Variants in KIAA1328 observed in about 807,000 individuals in gnomAD.
KIAA1328 encodes protein hinderin.
A neutral mutation model predicts 68.1 loss-of-function variants in KIAA1328; 52 were observed. The observed-to-expected ratio is 0.76, with a 90% CI of 0.61 to 0.96. The LOEUF (loss-of-function observed/expected upper bound fraction) is 0.96. KIAA1328 is among the 40% of genes least tolerant of loss of function. The pLI is 0.00. For synonymous variants in KIAA1328, 232 were observed against 239.4 expected, an observed-to-expected ratio of 0.97 and a Z score of 0.28; for missense variants, 641 against 677.6, an observed-to-expected ratio of 0.95 and a Z score of 0.60.
At chr18:37,042,223 A>G (rs1375613052) in intron 6 of KIAA1328, among the ~76,000 whole-genome samples, 1 of 152,148 alleles carries the variant, frequency 6.6e-6, no homozygotes, top group Non-Finnish European at 1.5e-5. Flanking sequence ...AATCCCAACA[A>G]TACTGTTTTA....
rs2056855672 is a variant in KIAA1328 at position 37,079,117 on chromosome 18, T to C, written c.1232+11572T>C. ...AATGATAGACTGGATTAAGAAAATG[T>C]GGCACATATACACCATGGAATACTA... On this transcript the variant is annotated intron_variant, in intron 7 of 9. Transcript: ENST00000280020. 3.5e-5 allele frequency among the ~76,000 whole-genome samples: 5 copies of C among 144,428 alleles called. No individual in the cohort carries two copies. The South Asian group carries it at 8.5e-4, about 25-fold the overall frequency. The allele number at this position is 144,428 out of a possible 152,430, so 94.8% of individuals were successfully genotyped here. A position where few individuals can be genotyped will look rare whatever the true frequency, so the allele number is the denominator to read the frequency against.
intron 5 of KIAA1328, among the ~76,000 whole-genome samples, chr18:36,955,495 A>G (rs928371236): frequency 1.1e-4 from 17 of 151,702 alleles, no homozygotes; most frequent in African/African-American, 3.9e-4. Context: ...TTTTTAGTAG[A>G]GATGGGGTTT....
Position 37,180,068 on chromosome 18 carries a change from A to ACT in KIAA1328, c.1523+6988_1523+6989insTC, listed in dbSNP as rs1216126838. On this transcript the variant is annotated intron_variant, in intron 9 of 9. Transcript: ENST00000280020. Reference sequence around the variant, plus strand: ...CATGGGATTCAAAAGCCACACACACACACACACACACACACACACACACAC... The same window carrying ACT: ...CATGGGATTCAAAAGCCACACACACACTCACACACACACACACACACACACAC... Among the ~76,000 whole-genome samples, 4 of 123,986 alleles carry ACT rather than the reference A, an allele frequency of 3.2e-5. 1 individual carries two copies. Among genetic ancestry groups the ACT allele is most frequent in the African/African-American group, 2.3e-4 (4 of 17,256 alleles). The allele number at this position is 123,986 out of a possible 152,430, so 81.3% of individuals were successfully genotyped here. A position where few individuals can be genotyped will look rare whatever the true frequency, so the allele number is the denominator to read the frequency against.
chr18:36,955,192 C>T (rs928423548), intron 5 of KIAA1328, among the ~76,000 whole-genome samples: 1 of 150,828 alleles, frequency 6.6e-6, no homozygotes, highest in African/African-American at 2.4e-5. Context: ...AGTGCAATGG[C>T]ATGATCTCAG....
At chr18:37,164,027 A>T (rs565066557) in intron 8 of KIAA1328, among the ~76,000 whole-genome samples, 3 of 152,370 alleles carry the variant, frequency 2.0e-5, no homozygotes, top group Admixed American at 2.0e-4. Context: ...TAATGTTAAT[A>T]TATATGAAAT....
intron 6 of KIAA1328, among the ~76,000 whole-genome samples, chr18:36,975,512 C>T (rs2052435881): frequency 6.6e-6 from 1 of 152,134 alleles, no homozygotes; most frequent in Non-Finnish European, 1.5e-5. Context: ...ACCCTTTTCC[C>T]TTTTTTGGAT....
chr18:36,910,882 T>G (rs2049417870), intron 5 of KIAA1328, among the ~76,000 whole-genome samples: 1 of 152,120 alleles, frequency 6.6e-6, no homozygotes, highest in Non-Finnish European at 1.5e-5. Flanking sequence ...CTTGCTTTTC[T>G]GTCATCGTCA....
intron 5 of KIAA1328, among the ~76,000 whole-genome samples, chr18:36,944,761 T>G (rs1401751678): frequency 6.6e-6 from 1 of 152,150 alleles, no homozygotes; most frequent in Admixed American, 6.5e-5. Context: ...AGAGGAGATC[T>G]GTTGAAGAAG....
intron 5 of KIAA1328, among the ~76,000 whole-genome samples, chr18:36,919,918 AT>A (rs1284885137): frequency 6.6e-6 from 1 of 151,972 alleles, no homozygotes; most frequent in African/African-American, 2.4e-5. Flanking sequence ...AAATGGGGTT[AT>A]TTGGCTTTTG....
intron 7 of KIAA1328, among the ~76,000 whole-genome samples, chr18:37,103,336 C>T (rs1471043031): frequency 2.0e-5 from 3 of 152,070 alleles, no homozygotes; most frequent in African/African-American, 7.2e-5. Flanking sequence ...GAATGGAGAA[C>T]CCAGAAATAA....
chr18:36,985,325 C>T (rs1327035411), intron 6 of KIAA1328, among the ~76,000 whole-genome samples: 1 of 152,112 alleles, frequency 6.6e-6, no homozygotes, highest in East Asian at 1.9e-4. Flanking sequence ...AGTGCAATTC[C>T]AGTCGCATTC....
chr18:36,830,586 G>T (rs563388974), intron 1 of KIAA1328, among the ~76,000 whole-genome samples: 2 of 152,168 alleles, frequency 1.3e-5, no homozygotes, highest in Middle Eastern at 3.4e-3. Context: ...GGTTTGGGGG[G>T]GGGACAAGCT....
At chr18:37,201,517 T>A (rs2060114255) in intron 9 of KIAA1328, among the ~76,000 whole-genome samples, 1 of 152,178 alleles carries the variant, frequency 6.6e-6, no homozygotes, top group African/African-American at 2.4e-5. Flanking sequence ...AGAGAAGTCA[T>A]AGTAAGGCCA....
intron 4 of KIAA1328, among the ~76,000 whole-genome samples, chr18:36,854,543 C>T (rs1462121268): frequency 6.6e-6 from 1 of 152,030 alleles, no homozygotes; most frequent in African/African-American, 2.4e-5. Context: ...TCATTTTAGC[C>T]TGAAGGACCC....
chr18:36,889,479 A>G (rs2048608551), intron 5 of KIAA1328, among the ~76,000 whole-genome samples: 1 of 152,208 alleles, frequency 6.6e-6, no homozygotes, highest in Non-Finnish European at 1.5e-5. Context: ...CTAAAGTCTA[A>G]TGTTTGCTGA....
chr18:37,187,163 C>CA (rs796685868), intron 9 of KIAA1328, among the ~76,000 whole-genome samples: 123 of 139,674 alleles, frequency 8.8e-4, no homozygotes, highest in Middle Eastern at 7.4e-3. Context: ...GACTCCATCT[C>CA]AAAAAAAAAA....
At position 36,885,561 on chromosome 18, in the gene KIAA1328, A is replaced by C; in HGVS notation, c.337A>C (p.Ser113Arg). Residue 113 changes from serine (S) to arginine (R), a missense_variant, in exon 5 of 10, where the codon AGT becomes CGT. Coordinates refer to ENST00000280020, the MANE Select transcript of KIAA1328 (RefSeq NM_020776.3). Reference sequence around the variant, plus strand: ...GTTTTTTTTTTTTTATTTCAGAGTAAGTGAGGAAAAGGAAGTGACAGAGGA... The same window carrying C: ...GTTTTTTTTTTTTTATTTCAGAGTACGTGAGGAAAAGGAAGTGACAGAGGA... The part of the protein sequence containing the change: ...ANLIKELARV[S>R]EEKEVTEERL... 6.5e-7 allele frequency: 1 copy of C among 1,532,574 alleles called. No individual in the cohort carries two copies. Among genetic ancestry groups the C allele is most frequent in the Non-Finnish European group, 8.7e-7 (1 of 1,142,924 alleles). 94.9% of individuals were successfully genotyped at this position (1,532,574 alleles called of 1,614,324 possible).
chr18:36,864,841 C>A (rs548844535), intron 4 of KIAA1328, among the ~76,000 whole-genome samples: 5 of 151,862 alleles, frequency 3.3e-5, no homozygotes, highest in African/African-American at 1.2e-4. Flanking sequence ...GCTTTGGGAG[C>A]TTGTGGTTTT....
At chr18:37,033,532 C>T (rs1342043761) in intron 6 of KIAA1328, among the ~76,000 whole-genome samples, 1 of 152,160 alleles carries the variant, frequency 6.6e-6, no homozygotes, top group East Asian at 1.9e-4. Flanking sequence ...CTGGGATCAA[C>T]CATTCTGACT....
Sources: gnomAD v4.1 joint callset for allele counts (sites outside exome capture counted in the v4.1 genomes callset) on GRCh38, gnomAD v4.1.1 for gene constraint, MANE v1.5 for transcripts, NCBI Gene and HGNC (gene_info 2026-07-23, HGNC 2026-07-21) for gene names.